C1QTNF6: variants seen among roughly 807,000 people sequenced by gnomAD.
C1QTNF6 encodes the protein C1q and TNF related 6.
C1QTNF6 carries 17 observed loss-of-function variants against 20.7 expected under a neutral mutation model. The observed-to-expected ratio is 0.82, with a 90% confidence interval of 0.56 to 1.23. The LOEUF (loss-of-function observed/expected upper bound fraction) is 1.23. C1QTNF6 is among the 50% of genes most tolerant of loss of function. The pLI, the probability that C1QTNF6 is intolerant of heterozygous loss-of-function variation, is 0.00. For synonymous variants in C1QTNF6, 130 were observed against 156.3 expected (o/e 0.83, Z 1.25); for missense variants, 329 against 389.7 (o/e 0.84, Z 1.31).
In C1QTNF6 at chr22:37,184,988, T is replaced by C. The variant is rs1924167588; in HGVS notation, c.289+230A>G. ...CCACTAACTTAGGTGATGTGTGCCT[T>C]GCTCACAGCCCATCTCCCCACCGAG... On this transcript the variant is annotated intron_variant, in intron 2 of 2. Coordinates refer to ENST00000337843, the MANE Select transcript of C1QTNF6 (RefSeq NM_031910.4). The surrounding 1 kb of genome is among the most constrained non-coding windows in gnomAD (Gnocchi z 4.0). 6.6e-6 allele frequency among the ~76,000 whole-genome samples: 1 copy of C among 152,098 alleles called. No homozygotes were observed. The highest frequency in any genetic ancestry group is 6.5e-5 in the Admixed American group (1 of 15,278).
rs540600456 is a variant in C1QTNF6 at position 37,184,342 on chromosome 22, G to A, written c.289+876C>T. On this transcript the variant is annotated intron_variant, in intron 2 of 2. Coordinates refer to ENST00000337843, the MANE Select transcript of C1QTNF6 (RefSeq NM_031910.4). This position sits in a 1 kb window ranked among gnomAD's most constrained non-coding sequence, Gnocchi z 4.0. ...AGGAATAAGAAAATATCGACCTCACGGGCTGTTGTGGGCAGAGACGGACGC... is the reference window on the plus strand; with the variant it reads ...AGGAATAAGAAAATATCGACCTCACAGGCTGTTGTGGGCAGAGACGGACGC... 3.5e-5 allele frequency: 25 copies of A among 717,054 alleles called. No individual in the cohort carries two copies. The highest frequency in any genetic ancestry group is 5.4e-5 in the East Asian group (2 of 37,286). 44.4% of individuals were successfully genotyped at this position (717,054 alleles called of 1,614,324 possible).
rs1463725453 is a variant in C1QTNF6 at position 37,184,365 on chromosome 22, C to A, written c.289+853G>T. 1 of 717,226 alleles carries A rather than the reference C, an allele frequency of 1.4e-6. No individual in the cohort carries two copies. Among genetic ancestry groups the A allele is most frequent in the South Asian group, 1.5e-5 (1 of 67,588 alleles). 44.4% of individuals were successfully genotyped at this position (717,226 alleles called of 1,614,324 possible). On this transcript the variant is annotated intron_variant, in intron 2 of 2. Coordinates refer to ENST00000337843, the MANE Select transcript of C1QTNF6 (RefSeq NM_031910.4). The surrounding 1 kb of genome is among the most constrained non-coding windows in gnomAD (Gnocchi z 4.0). ...ACGGGCTGTTGTGGGCAGAGACGGACGCTAAGGATGTCAAGGCCTGGTCAC... is the reference window on the plus strand; with the variant it reads ...ACGGGCTGTTGTGGGCAGAGACGGAAGCTAAGGATGTCAAGGCCTGGTCAC...
At chr22:37,188,294 A>AGGAGGGGATGGAGGGAGAGT, upstream of C1QTNF6, 1 of 1,026,010 alleles carries the variant, frequency 9.7e-7, no homozygotes, top group Non-Finnish European at 1.3e-6. Context: ...GGAGGGAGAG[A>AGGAGGGGATGGAGGGAGAGT]GGAGGGGATG....
chr22:37,186,960 A>T (rs1197169387), intron 1 of C1QTNF6, among the ~76,000 whole-genome samples: 1 of 152,218 alleles, frequency 6.6e-6, no homozygotes. Flanking sequence ...TTACTCCTGC[A>T]ATCCCAGCAC....
At chr22:37,186,405 TAGAG>T (rs888134280) in intron 1 of C1QTNF6, among the ~76,000 whole-genome samples, 3 of 152,106 alleles carry the variant, frequency 2.0e-5, no homozygotes, top group Non-Finnish European at 4.4e-5. Flanking sequence ...GAGGGTTCTG[TAGAG>T]AGAGTTAGTT....
Position 37,185,411 on chromosome 22 carries a change from G to C in C1QTNF6, c.96C>G (p.Leu32=). 1 of 1,612,548 alleles carries C rather than the reference G, an allele frequency of 6.2e-7. No individual in the cohort carries two copies. Among genetic ancestry groups the C allele is most frequent in the Non-Finnish European group, 8.5e-7 (1 of 1,179,342 alleles). ...TAALGPVWAA[L]LLFLLMCEIP... is the part of the protein sequence containing the mutation. ...TCTCACACATCAGGAGAAAGAGCAGGAGCGCTGCCCAGACGGGACCCAGGG... is the reference window on the plus strand; with the variant it reads ...TCTCACACATCAGGAGAAAGAGCAGCAGCGCTGCCCAGACGGGACCCAGGG... Residue 32 remains leucine, a synonymous_variant, in exon 2 of 3, where the codon CTC becomes CTG. Coordinates refer to ENST00000337843, the MANE Select transcript of C1QTNF6 (RefSeq NM_031910.4).
At chr22:37,191,802 G>C (rs1159001742), upstream of C1QTNF6, 1 of 152,108 alleles carries the variant, frequency 6.6e-6, no homozygotes, top group Non-Finnish European at 1.5e-5. Flanking sequence ...ACTTGTTCAA[G>C]AGAGAAAGCC....
At chr22:37,192,030 A>T (rs1166650425), upstream of C1QTNF6, among the ~76,000 whole-genome samples, 1 of 137,086 alleles carries the variant, frequency 7.3e-6, no homozygotes, top group African/African-American at 2.9e-5. Flanking sequence ...AAACTGAATA[A>T]TATCCCTTTA....
rs74277465 is a variant in C1QTNF6, at chr22:37,194,884, G to A, written n.224+497C>T. ...TGACAGAAAAGATAGAAAAGAGAAA[G>A]GAGAGAGGAAGAAAAGCATTGCCTG... On this transcript the variant is annotated intron_variant and non_coding_transcript_variant, in intron 2 of 4. Coordinates refer to the C1QTNF6 transcript ENST00000467564. 2.0e-5 allele frequency among the ~76,000 whole-genome samples: 3 copies of A among 152,354 alleles called. No homozygotes were observed. The East Asian group carries it at 5.8e-4, about 29-fold the overall frequency.
upstream of C1QTNF6, among the ~76,000 whole-genome samples, chr22:37,189,945 T>C (rs1386774708): frequency 6.6e-6 from 1 of 152,196 alleles, no homozygotes; most frequent in South Asian, 2.1e-4. Flanking sequence ...CAGGAATTGC[T>C]AGATGAGCTG....
At chr22:37,195,592 A>C (rs1199111966) in intron 1 of C1QTNF6, 1 of 152,194 alleles carries the variant, frequency 6.6e-6, no homozygotes, top group Non-Finnish European at 1.5e-5. Context: ...AAAGAAACAA[A>C]AGAATGGCTA....
chr22:37,197,988 G>C (rs564170151), upstream of C1QTNF6: 2 of 152,276 alleles, frequency 1.3e-5, no homozygotes, highest in Admixed American at 6.5e-5. Flanking sequence ...GACCATCGGG[G>C]CCGACTGGTG....
Position 37,184,598 on chromosome 22 carries a change from C to T in C1QTNF6, c.289+620G>A, listed in dbSNP as rs1043669299. Among the ~76,000 whole-genome samples the T allele has an allele frequency of 1.3e-5, 2 of 152,082 alleles. No individual in the cohort carries two copies. Among genetic ancestry groups the T allele is most frequent in the African/African-American group, 4.8e-5 (2 of 41,400 alleles). ...CAGGGCTGCATGCTCCGACCCTCGG[C>T]CCCCGCTGGTTGCTCTCCACATGAC... On this transcript the variant is annotated intron_variant, in intron 2 of 2. Transcript: ENST00000337843. This position sits in a 1 kb window ranked among gnomAD's most constrained non-coding sequence, Gnocchi z 4.0.
chr22:37,188,330 G>T, upstream of C1QTNF6: 1 of 814,200 alleles, frequency 1.2e-6, no homozygotes, highest in Non-Finnish European at 1.8e-6. Flanking sequence ...GAGGGAGGGC[G>T]GAGGGAGAGG....
intron 1 of C1QTNF6, 141 bp downstream of exon 1, chr22:37,188,022 G>A (rs1569067829): frequency 5.9e-6 from 5 of 841,892 alleles, no homozygotes; most frequent in Non-Finnish European, 7.2e-6. Flanking sequence ...AGGAGGAAAT[G>A]TGGAGGGGAG....
At chr22:37,186,648 G>C (rs1371724989) in intron 1 of C1QTNF6, among the ~76,000 whole-genome samples, 1 of 152,176 alleles carries the variant, frequency 6.6e-6, no homozygotes, top group Admixed American at 6.5e-5. Context: ...CCTGGGTTGG[G>C]TGGGCAGGAA....
At chr22:37,196,252 C>A (rs1447190193) in intron 1 of C1QTNF6, 1 of 152,256 alleles carries the variant, frequency 6.6e-6, no homozygotes, top group African/African-American at 2.4e-5. Context: ...TGACCCCCAA[C>A]AAGTTCACAG....
At chr22:37,187,439 G>A (rs1175615361) in intron 1 of C1QTNF6, among the ~76,000 whole-genome samples, 1 of 152,136 alleles carries the variant, frequency 6.6e-6, no homozygotes, top group African/African-American at 2.4e-5. Flanking sequence ...CAAGCTGTGT[G>A]ACCTAGGGCT....
intron 1 of C1QTNF6, among the ~76,000 whole-genome samples, chr22:37,187,655 C>A (rs986444958): frequency 1.3e-4 from 20 of 150,664 alleles, no homozygotes; most frequent in Non-Finnish European, 2.4e-4. Flanking sequence ...AGAGGACTGG[C>A]ATGGTTTGGG....
Sources: gnomAD v4.1 joint callset for allele counts (sites outside exome capture counted in the v4.1 genomes callset) on GRCh38, gnomAD v4.1.1 for gene constraint, Gnocchi (gnomAD v3.1) non-coding constraint, MANE v1.5 for transcripts, NCBI Gene and HGNC (gene_info 2026-07-23, HGNC 2026-07-21) for gene names.